The following FZR1 variants were observed in gnomAD, a reference collection of about 807,000 sequenced individuals.
The protein encoded by FZR1 is fizzy and cell division cycle 20 related 1, also known as fizzy-related protein homolog.
FZR1 carries 11 observed loss-of-function variants against 63.6 expected under a neutral mutation model. The ratio of observed to expected loss-of-function variants is 0.17; its 90% CI spans 0.11 to 0.29. The LOEUF is 0.29. FZR1 is among the 10% of genes least tolerant of loss of function. FZR1 has a pLI of 1.00. For missense variants in FZR1, 440 were observed against 687.5 expected (o/e 0.64, Z 4.03); for synonymous variants, 328 against 297.9 (o/e 1.10, Z -1.04).
chr19:3,534,998 G>A lies in FZR1; in HGVS notation c.*162G>A, dbSNP rs1044470684. 3.1e-6 allele frequency: 2 copies of A among 637,124 alleles called. No homozygotes were observed. Among genetic ancestry groups the A allele is most frequent in the Admixed American group, 5.0e-5 (2 of 40,398 alleles). 39.5% of individuals were successfully genotyped at this position (637,124 alleles called of 1,614,324 possible). A position where few individuals can be genotyped will look rare whatever the true frequency, so the allele number is the denominator to read the frequency against. ...GATCCTGGAGTCTCATTAAATGCCT[G>A]ATTGTGAACCATGTCCACCAGTATC... On this transcript the variant is annotated 3_prime_UTR_variant, in exon 14 of 14. Transcript: ENST00000441788.
Position 3,525,793 on chromosome 19 carries a change from T to C in FZR1, c.70-75T>C. On this transcript the variant is annotated intron_variant, in intron 2 of 13. Transcript: ENST00000441788. This position sits in a 1 kb window ranked among gnomAD's most constrained non-coding sequence, Gnocchi z 4.2. ...CCCCCTTTGCTCAGTGGCCAGAGGC[T>C]GAGAGAGGCTGGCCTGGGGGCACTC... is the stretch of plus-strand genomic sequence containing the variant. 1 of 1,551,438 alleles carries C rather than the reference T, an allele frequency of 6.4e-7. No individual in the cohort carries two copies. The highest frequency in any genetic ancestry group is 8.7e-7 in the Non-Finnish European group (1 of 1,145,398).
chr19:3,514,279 TG>T lies in FZR1; in HGVS notation c.-35+7809del. ...CCCACTGGTGCAGTGGGGATGGGGCTGGGGATGCCTGGCCACACTCTGCAGG... is the reference window on the plus strand; with the variant it reads ...CCCACTGGTGCAGTGGGGATGGGGCTGGGATGCCTGGCCACACTCTGCAGG... On this transcript the variant is annotated intron_variant, in intron 1 of 13. Coordinates refer to ENST00000441788, the MANE Select transcript of FZR1 (RefSeq NM_016263.4). This position sits in a 1 kb window ranked among gnomAD's most constrained non-coding sequence, Gnocchi z 4.2. Among the ~76,000 whole-genome samples, 1 of 152,270 alleles carries T rather than the reference TG, an allele frequency of 6.6e-6. No individual in the cohort carries two copies. Among genetic ancestry groups the T allele is most frequent in the East Asian group, 1.9e-4 (1 of 5,180 alleles).
In FZR1 at chr19:3,533,202, C is replaced by CA; in HGVS notation, c.1243-91dup. On this transcript the variant is annotated intron_variant, in intron 11 of 13. Transcript: ENST00000441788. The surrounding 1 kb of genome is among the most constrained non-coding windows in gnomAD (Gnocchi z 4.9). ...GGGCTGGCTGGCGGCTCTGAGCTCT[C>CA]ACATGGGCTCAGGCGGGTGCATGTG... is the stretch of plus-strand genomic sequence containing the variant. The CA allele has an allele frequency of 1.2e-6, 1 of 803,102 alleles. No individual in the cohort carries two copies. The highest frequency in any genetic ancestry group is 1.8e-5 in the Admixed American group (1 of 56,424). The allele number at this position is 803,102 out of a possible 1,614,324, so 49.7% of individuals were successfully genotyped here.
At chr19:3,510,905 C>T (rs8105925) in intron 1 of FZR1, among the ~76,000 whole-genome samples, 11,523 of 152,322 alleles carry the variant, frequency 0.076, 1,452 homozygotes, top group African/African-American at 0.26. Context: ...CCATAGACAG[C>T]GTTCCGGCCC....
At position 3,533,506 on chromosome 19, in the gene FZR1, T is replaced by A; in HGVS notation, c.1347+108T>A. ...TCTTAGGGAGGATGGTGTGCAGATC[T>A]AAAACCCCGTGGGACCCAGCAGCAG... is the stretch of plus-strand genomic sequence containing the variant. On this transcript the variant is annotated intron_variant, in intron 12 of 13. Transcript: ENST00000441788. The surrounding 1 kb of genome is among the most constrained non-coding windows in gnomAD (Gnocchi z 4.9). The A allele has an allele frequency of 1.4e-6, 1 of 700,092 alleles. No individual in the cohort carries two copies. The highest frequency in any genetic ancestry group is 2.5e-6 in the Non-Finnish European group (1 of 393,338). 43.4% of individuals were successfully genotyped at this position (700,092 alleles called of 1,614,324 possible).
intron 1 of FZR1, among the ~76,000 whole-genome samples, chr19:3,510,149 C>G (rs889403717): frequency 1.3e-5 from 2 of 151,970 alleles, no homozygotes; most frequent in Non-Finnish European, 2.9e-5. Flanking sequence ...TTTCTTTTTC[C>G]TTTTTGAGAT....
At position 3,516,625 on chromosome 19, in the gene FZR1, C is replaced by A. The variant is rs1015492397; in HGVS notation, c.-34-6331C>A. Among the ~76,000 whole-genome samples the A allele has an allele frequency of 3.3e-5, 5 of 152,140 alleles. No homozygotes were observed. The highest frequency in any genetic ancestry group is 1.2e-4 in the African/African-American group (5 of 41,420). The stretch of plus-strand genomic sequence containing the variant: ...GAGGCCCCAGGCCCGGGATACAGGA[C>A]CCTCCAGATCTCGGAGGTGGGAAGA... On this transcript the variant is annotated intron_variant, in intron 1 of 13. Transcript: ENST00000441788. The surrounding 1 kb of genome is among the most constrained non-coding windows in gnomAD (Gnocchi z 6.0).
Position 3,527,782 on chromosome 19 carries a change from T to C in FZR1, c.622T>C (p.Cys208Arg). The change falls in exon 7 of 14, where the codon TGC becomes CGC. Residue 208 changes from cysteine to arginine, a missense_variant. Physicochemically the swap from Cys to Arg is radical, Grantham distance 180 (BLOSUM62 -3). This residue lies in a region of FZR1 where 208 missense variants were observed against 363.6 expected (regional missense o/e 0.57). Transcript: ENST00000441788. ...TGTGCTCAGCGTGGGGCTAGGCACC[T>C]GCGTGTACCTGTGGAGTGCCTGTAC... ...LNVLSVGLGT[C>R]VYLWSACTSQ... is the part of the protein sequence containing the mutation. The C allele has an allele frequency of 6.2e-7, 1 of 1,612,566 alleles. No individual in the cohort carries two copies. The highest frequency in any genetic ancestry group is 8.5e-7 in the Non-Finnish European group (1 of 1,179,616).
intron 7 of FZR1, 149 bp from the exon 8 acceptor site, chr19:3,530,643 T>C: frequency 1.6e-6 from 1 of 612,638 alleles, no homozygotes. Flanking sequence ...GATGGAAAAG[T>C]GGATGGGACT....
Position 3,534,976 on chromosome 19 carries a change from C to A in FZR1, c.*140C>A. On this transcript the variant is annotated 3_prime_UTR_variant, in exon 14 of 14. Coordinates refer to ENST00000441788, the MANE Select transcript of FZR1 (RefSeq NM_016263.4). ...GGGCGGGGAGCTGGGCCTGGAGGAT[C>A]CTGGAGTCTCATTAAATGCCTGATT... The A allele has an allele frequency of 2.9e-6, 2 of 689,048 alleles. No homozygotes were observed. The highest frequency in any genetic ancestry group is 2.2e-5 in the Admixed American group (1 of 44,660). 42.7% of individuals were successfully genotyped at this position (689,048 alleles called of 1,614,324 possible).
Position 3,533,207 on chromosome 19 carries a change from G to A in FZR1, c.1243-87G>A. ...GGCTGGCGGCTCTGAGCTCTCACAT[G>A]GGCTCAGGCGGGTGCATGTGAGGCA... is the stretch of plus-strand genomic sequence containing the variant. On this transcript the variant is annotated intron_variant, in intron 11 of 13. Transcript: ENST00000441788. The surrounding 1 kb of genome is among the most constrained non-coding windows in gnomAD (Gnocchi z 4.9). The A allele has an allele frequency of 1.2e-6, 1 of 821,024 alleles. No individual in the cohort carries two copies. Among genetic ancestry groups the A allele is most frequent in the Non-Finnish European group, 2.1e-6 (1 of 478,574 alleles). The allele number at this position is 821,024 out of a possible 1,614,324, so 50.9% of individuals were successfully genotyped here.
At chr19:3,529,386 A>G (rs1392818027) in intron 7 of FZR1, among the ~76,000 whole-genome samples, 85 of 69,962 alleles carry the variant, frequency 1.2e-3, no homozygotes, top group Middle Eastern at 0.013. Context: ...ATGGGAGAGC[A>G]GATGGGTGAG....
intron 1 of FZR1, among the ~76,000 whole-genome samples, chr19:3,519,427 A>T (rs1475304134): frequency 1.3e-5 from 2 of 152,176 alleles, no homozygotes; most frequent in Non-Finnish European, 2.9e-5. Context: ...GATCTACCCC[A>T]AGGAGGGCGG....
intron 1 of FZR1, among the ~76,000 whole-genome samples, chr19:3,506,738 T>G (rs1011986849): frequency 6.6e-5 from 10 of 151,528 alleles, no homozygotes; most frequent in Non-Finnish European, 1.5e-4. Flanking sequence ...CCGAGCCACC[T>G]GTAAGTCGTG....
At chr19:3,517,801 A>C (rs1020450892) in intron 1 of FZR1, among the ~76,000 whole-genome samples, 1 of 152,152 alleles carries the variant, frequency 6.6e-6, no homozygotes, top group Non-Finnish European at 1.5e-5. Context: ...TGTGTGAAAC[A>C]AGATAAACAA....
At chr19:3,523,991 C>T (rs1344261562) in intron 2 of FZR1, among the ~76,000 whole-genome samples, 1 of 152,238 alleles carries the variant, frequency 6.6e-6, no homozygotes, top group East Asian at 1.9e-4. Context: ...GATCCAGGAT[C>T]GTGCGTGATG....
At position 3,536,097 on chromosome 19, in the gene FZR1, AC is replaced by A; in HGVS notation, c.*1266del. Reference sequence around the variant, plus strand: ...ACCCACCACCCTGCTGTGCTTGGGAACCCCCACTCCCCACTCCCCACATCCC... The same window carrying A: ...ACCCACCACCCTGCTGTGCTTGGGAACCCCACTCCCCACTCCCCACATCCC... On this transcript the variant is annotated 3_prime_UTR_variant, in exon 14 of 14. Coordinates refer to ENST00000441788, the MANE Select transcript of FZR1 (RefSeq NM_016263.4). 6.7e-6 allele frequency: 1 copy of A among 149,054 alleles called. No homozygotes were observed. Among genetic ancestry groups the A allele is most frequent in the Non-Finnish European group, 1.5e-5 (1 of 67,326 alleles). 9.2% of individuals were successfully genotyped at this position (149,054 alleles called of 1,614,324 possible).
In FZR1 at chr19:3,527,784, C is replaced by G; in HGVS notation, c.624C>G (p.Cys208Trp). 6.2e-7 allele frequency: 1 copy of G among 1,612,428 alleles called. No homozygotes were observed. The highest frequency in any genetic ancestry group is 8.5e-7 in the Non-Finnish European group (1 of 1,179,518). The change falls in exon 7 of 14, where the codon TGC (cysteine) becomes TGG (tryptophan). Residue 208 changes from cysteine to tryptophan, a missense_variant. This residue lies in a region of FZR1 where 208 missense variants were observed against 363.6 expected (regional missense o/e 0.57). Coordinates refer to ENST00000441788, the MANE Select transcript of FZR1 (RefSeq NM_016263.4). ...TGCTCAGCGTGGGGCTAGGCACCTG[C>G]GTGTACCTGTGGAGTGCCTGTACCA... Reference protein sequence around the residue: ...LNVLSVGLGTCVYLWSACTSQ... With the variant: ...LNVLSVGLGTWVYLWSACTSQ...
At chr19:3,532,368 G>A in intron 10 of FZR1, 49 bp from the exon 11 acceptor site, 2 of 1,453,576 alleles carry the variant, frequency 1.4e-6, no homozygotes, top group Admixed American at 2.2e-5. Context: ...ACCGGCCTAT[G>A]GGACCACAGG....
Sources: allele counts gnomAD v4.1 joint callset (sites outside exome capture counted in the v4.1 genomes callset), GRCh38; gene constraint gnomAD v4.1.1; regional missense constraint gnomAD v4.1.1; non-coding constraint Gnocchi (gnomAD v3.1); transcripts MANE v1.5; gene names NCBI Gene and HGNC (gene_info 2026-07-23, HGNC 2026-07-21).